ADGRV1: variants seen among roughly 807,000 people sequenced by gnomAD.
ADGRV1 encodes the protein adhesion G protein-coupled receptor V1, also known as G-protein coupled receptor 98.
A neutral mutation model predicts 596.2 loss-of-function variants in ADGRV1; 359 were observed. The ratio of observed to expected loss-of-function variants is 0.60; its 90% CI spans 0.55 to 0.66. ADGRV1 has a LOEUF of 0.66. ADGRV1 is among the 30% of genes least tolerant of loss of function. The pLI, the probability that ADGRV1 is intolerant of heterozygous loss-of-function variation, is 0.00. For missense variants in ADGRV1, 7,274 were observed against 7,575.6 expected (o/e 0.96, Z 1.48); for synonymous variants, 2,681 against 2,679.2 (o/e 1.00, Z -0.02).
chr5:90,941,078 A>G (rs66509877), intron 83 of ADGRV1, among the ~76,000 whole-genome samples: 21,689 of 152,040 alleles, frequency 0.14, 2,106 homozygotes, highest in Non-Finnish European at 0.21. Context: ...TCCTGAGAAA[A>G]AAATGAAAAC....
chr5:90,872,610 G>T (rs1304415691), intron 83 of ADGRV1, among the ~76,000 whole-genome samples: 1 of 152,152 alleles, frequency 6.6e-6, no homozygotes. Flanking sequence ...ATAAACACTT[G>T]ATAAGTTAAT....
At chr5:90,844,362 A>T (rs116704878) in intron 78 of ADGRV1, among the ~76,000 whole-genome samples, 1,621 of 152,292 alleles carry the variant, frequency 0.011, 33 homozygotes, top group African/African-American at 0.037. Flanking sequence ...AAAAGATCTC[A>T]ATAAATCTTA....
intron 77 of ADGRV1, among the ~76,000 whole-genome samples, chr5:90,838,334 G>A (rs1299427581): frequency 6.6e-6 from 1 of 150,986 alleles, no homozygotes; most frequent in Non-Finnish European, 1.5e-5. Context: ...ACACCTTCCT[G>A]CTCTTAATCC....
intron 17 of ADGRV1, among the ~76,000 whole-genome samples, chr5:90,650,816 C>T (rs1321155619): frequency 6.6e-6 from 1 of 152,156 alleles, no homozygotes; most frequent in Non-Finnish European, 1.5e-5. Flanking sequence ...TGGAGAGGCA[C>T]TTAGCTTAAC....
intron 5 of ADGRV1, among the ~76,000 whole-genome samples, chr5:90,623,796 G>A (rs896584890): frequency 6.6e-6 from 1 of 152,130 alleles, no homozygotes; most frequent in South Asian, 2.1e-4. Context: ...AAATGTTACA[G>A]GATGTGGCAT....
chr5:90,982,688 C>A (rs1445697767), intron 84 of ADGRV1, among the ~76,000 whole-genome samples: 1 of 152,178 alleles, frequency 6.6e-6, no homozygotes, highest in East Asian at 1.9e-4. Flanking sequence ...TTACTTCAGT[C>A]GACCAGCTTA....
chr5:91,107,932 A>C (rs1582081562), intron 87 of ADGRV1, among the ~76,000 whole-genome samples: 1 of 152,180 alleles, frequency 6.6e-6, no homozygotes, highest in East Asian at 1.9e-4. Flanking sequence ...TATAAGAAAA[A>C]ATTTTGGTCT....
intron 87 of ADGRV1, among the ~76,000 whole-genome samples, chr5:91,106,817 A>C (rs1582077691): frequency 6.6e-6 from 1 of 152,334 alleles, no homozygotes; most frequent in South Asian, 2.1e-4. Flanking sequence ...CTGTATACCA[A>C]TGTTTTAGCA....
At chr5:91,013,399 C>T (rs540265640) in intron 85 of ADGRV1, among the ~76,000 whole-genome samples, 366 of 152,036 alleles carry the variant, frequency 2.4e-3, no homozygotes, top group Non-Finnish European at 3.8e-3. Context: ...TTTAATAATA[C>T]CTGTTCTGAC....
chr5:91,111,710 G>A (rs552975749), intron 87 of ADGRV1, among the ~76,000 whole-genome samples: 17 of 152,234 alleles, frequency 1.1e-4, no homozygotes, highest in Admixed American at 1.1e-3. Context: ...TATTCATGAA[G>A]AGCGGAAAAG....
At chr5:91,076,930 A>AT (rs1788910715) in intron 86 of ADGRV1, among the ~76,000 whole-genome samples, 1 of 152,088 alleles carries the variant, frequency 6.6e-6, no homozygotes, top group Admixed American at 6.5e-5. Context: ...TTACATAGGT[A>AT]TATGTGTGCC....
At chr5:91,158,644 A>G (rs1287899224) in intron 89 of ADGRV1, among the ~76,000 whole-genome samples, 1 of 152,246 alleles carries the variant, frequency 6.6e-6, no homozygotes, top group African/African-American at 2.4e-5. Context: ...AGTAGGTCAC[A>G]AGAATAGGAA....
chr5:91,129,085 A>G (rs2126786956), intron 87 of ADGRV1, among the ~76,000 whole-genome samples: 1 of 152,342 alleles, frequency 6.6e-6, no homozygotes, highest in Admixed American at 6.5e-5. Flanking sequence ...ATGATTTAGA[A>G]TGTTTTCCTA....
At chr5:91,133,898 G>C (rs765942775) in intron 87 of ADGRV1, among the ~76,000 whole-genome samples, 2 of 152,014 alleles carry the variant, frequency 1.3e-5, no homozygotes, top group African/African-American at 4.8e-5. Context: ...AGTACCAAGA[G>C]GGTGCCCTTT....
intron 79 of ADGRV1, among the ~76,000 whole-genome samples, chr5:90,850,131 A>G (rs1474902584): frequency 6.6e-6 from 1 of 152,230 alleles, no homozygotes. Flanking sequence ...ACCTGTGGTC[A>G]GAATAGATTG....
In ADGRV1 at chr5:90,811,020, A is replaced by G; in HGVS notation, c.15760A>G (p.Asn5254Asp). The change falls in exon 74 of 90, where the codon AAT becomes GAT. Residue 5254 changes from asparagine to aspartate, a missense_variant. Coordinates refer to ENST00000405460, the MANE Select transcript of ADGRV1 (RefSeq NM_032119.4). ...LIRRTGGFTG[N>D]VSITVKTFGE... The stretch of plus-strand genomic sequence containing the variant: ...CCGAAGAACTGGTGGGTTTACTGGC[A>G]ATGTCAGCATAACAGTTAAAACTTT... 6.2e-7 allele frequency: 1 copy of G among 1,614,042 alleles called. No homozygotes were observed. Among genetic ancestry groups the G allele is most frequent in the Non-Finnish European group, 8.5e-7 (1 of 1,179,902 alleles).
Position 90,945,421 on chromosome 5 carries a change from C to T in ADGRV1, c.17857-19994C>T, listed in dbSNP as rs546742037. Among the ~76,000 whole-genome samples, 7 of 152,240 alleles carry T rather than the reference C, an allele frequency of 4.6e-5. No individual in the cohort carries two copies. In the South Asian group the frequency reaches 8.3e-4, roughly 18 times the overall value. On this transcript the variant is annotated intron_variant, in intron 83 of 89. Coordinates refer to ENST00000405460, the MANE Select transcript of ADGRV1 (RefSeq NM_032119.4). The stretch of plus-strand genomic sequence containing the variant: ...AGAGGGTAGCAGGGCTCCTGGGCCT[C>T]TAAGGGATGCTCAGTCACATGGACT...
chr5:90,602,571 A>G (rs973026490), intron 1 of ADGRV1, among the ~76,000 whole-genome samples: 1 of 152,230 alleles, frequency 6.6e-6, no homozygotes, highest in Non-Finnish European at 1.5e-5. Flanking sequence ...GGGACATGCT[A>G]CAGAATACCT....
At chr5:91,034,492 C>A (rs967679696) in intron 85 of ADGRV1, among the ~76,000 whole-genome samples, 1 of 152,140 alleles carries the variant, frequency 6.6e-6, no homozygotes, top group Non-Finnish European at 1.5e-5. Context: ...GTACTACATC[C>A]TCCTAAAGTC....
Sources: gnomAD v4.1 joint callset for allele counts (sites outside exome capture counted in the v4.1 genomes callset) on GRCh38, gnomAD v4.1.1 for gene constraint, MANE v1.5 for transcripts, NCBI Gene and HGNC (gene_info 2026-07-23, HGNC 2026-07-21) for gene names.